Variants in FHIT observed in about 807,000 individuals in gnomAD.
The protein encoded by FHIT is bis(5'-adenosyl)-triphosphatase.
FHIT carries 19 observed loss-of-function variants against 17.9 expected under a neutral mutation model. That is an observed-to-expected ratio of 1.06 (90% confidence interval 0.74 to 1.56). FHIT has a LOEUF of 1.56. Ranked by LOEUF, FHIT falls within the 40% of genes most tolerant of loss-of-function variation. FHIT has a pLI of 0.00. For synonymous variants in FHIT, 81 were observed against 69.7 expected (o/e 1.16, Z -0.81); for missense variants, 248 against 189.2 (o/e 1.31, Z -1.82).
intron 5 of FHIT, among the ~76,000 whole-genome samples, chr3:60,478,488 C>G (rs1316367633): frequency 1.3e-5 from 2 of 152,114 alleles, no homozygotes; most frequent in African/African-American, 4.8e-5. Flanking sequence ...CTTAGTGCCT[C>G]TTGCGGCAAA....
intron 5 of FHIT, among the ~76,000 whole-genome samples, chr3:60,514,502 G>A (rs552347265): frequency 6.6e-6 from 1 of 152,314 alleles, no homozygotes; most frequent in Non-Finnish European, 1.5e-5. Flanking sequence ...GAGGAGGTGG[G>A]GAGAAGGAGA....
chr3:60,516,415 T>C (rs967817112), intron 5 of FHIT, among the ~76,000 whole-genome samples: 2 of 152,154 alleles, frequency 1.3e-5, no homozygotes, highest in Non-Finnish European at 2.9e-5. Flanking sequence ...TAGGAAGAAG[T>C]TGGCCTCATA....
chr3:60,288,577 GT>G lies in FHIT; in HGVS notation c.103+248282del, dbSNP rs1707837989. Reference sequence around the variant, plus strand: ...CTAGGTTCTGGCACAGTGTGTGTGTGTGTGTGTGTGTGTGTGTGTGTGTGTG... The same window carrying G: ...CTAGGTTCTGGCACAGTGTGTGTGTGGTGTGTGTGTGTGTGTGTGTGTGTG... On this transcript the variant is annotated intron_variant, in intron 5 of 9. Coordinates refer to ENST00000492590, the MANE Select transcript of FHIT (RefSeq NM_002012.4). Among the ~76,000 whole-genome samples, 3 of 141,658 alleles carry G rather than the reference GT, an allele frequency of 2.1e-5. No individual in the cohort carries two copies. In the South Asian group the frequency reaches 6.5e-4, roughly 31 times the overall value. 92.9% of individuals were successfully genotyped at this position (141,658 alleles called of 152,430 possible). A position where few individuals can be genotyped will look rare whatever the true frequency, so the allele number is the denominator to read the frequency against.
At chr3:60,281,823 A>T (rs1216467395) in intron 5 of FHIT, among the ~76,000 whole-genome samples, 1 of 152,196 alleles carries the variant, frequency 6.6e-6, no homozygotes, top group Admixed American at 6.5e-5. Context: ...AAAATTTTAA[A>T]TTGAATTGTA....
chr3:61,104,392 GC>G (rs1277137431), intron 2 of FHIT, among the ~76,000 whole-genome samples: 4 of 152,058 alleles, frequency 2.6e-5, no homozygotes, highest in African/African-American at 9.7e-5. Context: ...TTGAACATTG[GC>G]CCCCAGTCTC....
At chr3:61,008,277 G>T (rs1279876241) in intron 3 of FHIT, among the ~76,000 whole-genome samples, 1 of 152,178 alleles carries the variant, frequency 6.6e-6, no homozygotes, top group Non-Finnish European at 1.5e-5. Flanking sequence ...GGATGGAGGG[G>T]AATCACATGC....
At chr3:60,990,141 T>C (rs545241932) in intron 3 of FHIT, among the ~76,000 whole-genome samples, 1 of 152,222 alleles carries the variant, frequency 6.6e-6, no homozygotes. Context: ...CTAAGAGCAA[T>C]GGGTTGCAAG....
intron 8 of FHIT, among the ~76,000 whole-genome samples, chr3:59,855,183 T>C (rs1350486466): frequency 6.6e-6 from 1 of 152,246 alleles, no homozygotes; most frequent in Non-Finnish European, 1.5e-5. Context: ...ATTTGCCCAA[T>C]GTTAATTATA....
At chr3:60,639,893 A>G (rs782509246) in intron 4 of FHIT, among the ~76,000 whole-genome samples, 21 of 152,322 alleles carry the variant, frequency 1.4e-4, no homozygotes, top group Middle Eastern at 3.4e-3. Flanking sequence ...AACAACCCCT[A>G]TGTGAACCAA....
intron 2 of FHIT, among the ~76,000 whole-genome samples, chr3:61,067,646 A>G (rs13093016): frequency 0.6 from 91,257 of 151,980 alleles, 28,275 homozygotes; most frequent in Non-Finnish European, 0.65. Flanking sequence ...CAGAAACAGC[A>G]TTCACCAACA....
In FHIT at chr3:60,837,547, A is replaced by C. The variant is rs186143692; in HGVS notation, c.-110-15536T>G. Among the ~76,000 whole-genome samples, 250 of 152,292 alleles carry C rather than the reference A, an allele frequency of 1.6e-3. 2 individuals are homozygous for C. Among genetic ancestry groups the C allele is most frequent in the African/African-American group, 5.7e-3 (236 of 41,578 alleles). ...TATAGTTGGGTCATATTTTTTAAAC[A>C]ATTCTGCTAATCTCTTCCCTGTATT... On this transcript the variant is annotated intron_variant, in intron 3 of 9. Coordinates refer to ENST00000492590, the MANE Select transcript of FHIT (RefSeq NM_002012.4).
intron 5 of FHIT, among the ~76,000 whole-genome samples, chr3:60,130,839 A>G (rs1213617496): frequency 8.0e-6 from 1 of 124,554 alleles, no homozygotes; most frequent in Non-Finnish European, 1.9e-5. Flanking sequence ...GTGTACATAC[A>G]TACACATACA....
chr3:59,878,466 C>A (rs942004435), intron 8 of FHIT, among the ~76,000 whole-genome samples: 59 of 152,278 alleles, frequency 3.9e-4, no homozygotes, highest in African/African-American at 1.3e-3. Flanking sequence ...GTCCACTGCA[C>A]TGAGAACTAT....
chr3:60,582,949 C>T (rs993179031), intron 4 of FHIT, among the ~76,000 whole-genome samples: 11 of 151,908 alleles, frequency 7.2e-5, no homozygotes, highest in Non-Finnish European at 1.5e-4. Context: ...TGAGCTAGGA[C>T]TTGAACCCTA....
intron 5 of FHIT, among the ~76,000 whole-genome samples, chr3:60,459,092 G>A (rs1035790336): frequency 3.9e-5 from 6 of 152,134 alleles, no homozygotes; most frequent in East Asian, 3.9e-4. Flanking sequence ...CATTTTTATC[G>A]TTGGTGGAAA....
At chr3:60,475,171 G>A (rs554233434) in intron 5 of FHIT, among the ~76,000 whole-genome samples, 95 of 150,684 alleles carry the variant, frequency 6.3e-4, no homozygotes, top group African/African-American at 2.3e-3. Context: ...CAGGCACTGG[G>A]CCAGAGACTC....
At chr3:59,793,224 G>A (rs62238264) in intron 8 of FHIT, among the ~76,000 whole-genome samples, 1,583 of 152,224 alleles carry the variant, frequency 0.01, 12 homozygotes, top group Non-Finnish European at 0.015. Context: ...AGGACTCCAG[G>A]TAAGAAGCTA....
At chr3:60,768,686 G>A (rs1225805519) in intron 4 of FHIT, among the ~76,000 whole-genome samples, 7 of 152,176 alleles carry the variant, frequency 4.6e-5, no homozygotes, top group Non-Finnish European at 1.0e-4. Flanking sequence ...GCAGGCCAAC[G>A]GGCTACGAGG....
rs556796804 is a variant in FHIT, at chr3:60,364,772, T to A, written c.103+172088A>T. Among the ~76,000 whole-genome samples the A allele has an allele frequency of 2.0e-5, 3 of 152,248 alleles. No individual in the cohort carries two copies. The South Asian group carries it at 6.2e-4, about 32-fold the overall frequency. ...GAGTACAACAGATATCCTTTCCTAA[T>A]ATGGATGGGCATCATTTAATCAACT... On this transcript the variant is annotated intron_variant, in intron 5 of 9. Transcript: ENST00000492590.
Sources: gnomAD v4.1 joint callset for allele counts (sites outside exome capture counted in the v4.1 genomes callset) on GRCh38, gnomAD v4.1.1 for gene constraint, MANE v1.5 for transcripts, NCBI Gene and HGNC (gene_info 2026-07-23, HGNC 2026-07-21) for gene names.